SMYD5: variants seen among roughly 807,000 people sequenced by gnomAD.
SMYD5 encodes protein-lysine N-trimethyltransferase SMYD5.
In SMYD5, 35 loss-of-function variants were observed where a neutral mutation model predicts 57.4. The observed-to-expected ratio is 0.61, with a 90% CI of 0.47 to 0.81. The LOEUF is 0.81. Among genes scored for constraint, SMYD5 ranks in the 30% least tolerant of loss-of-function variants. The pLI, the probability that SMYD5 is intolerant of heterozygous loss-of-function variation, is 0.00. For synonymous variants in SMYD5, 198 were observed against 189.7 expected (o/e 1.04, Z -0.36); for missense variants, 471 against 527.9 (o/e 0.89, Z 1.06).
At position 73,225,795 on chromosome 2, in the gene SMYD5, G is replaced by A; in HGVS notation, c.1107-1G>A. ...CCCCTCACCATCCCCCACCGCTGCA[G>A]GGAGAACTATCTATTTGTCTGTTCC... On this transcript the variant is annotated splice_acceptor_variant, in intron 12 of 12. Coordinates refer to ENST00000389501, the MANE Select transcript of SMYD5 (RefSeq NM_006062.3). LOFTEE classifies it high-confidence loss of function. The A allele has an allele frequency of 6.2e-7, 1 of 1,614,164 alleles. No individual in the cohort carries two copies. Among genetic ancestry groups the A allele is most frequent in the South Asian group, 1.1e-5 (1 of 91,074 alleles).
At position 73,218,337 on chromosome 2, in the gene SMYD5, G is replaced by A. The variant is rs552867023; in HGVS notation, c.97-524G>A. On this transcript the variant is annotated intron_variant, in intron 1 of 12. Coordinates refer to ENST00000389501, the MANE Select transcript of SMYD5 (RefSeq NM_006062.3). ...CCACCAAGGACTTGTTGGATGCCAGGCACTGTGCTAGGTGCTGTGGGTATT... is the reference window on the plus strand; with the variant it reads ...CCACCAAGGACTTGTTGGATGCCAGACACTGTGCTAGGTGCTGTGGGTATT... 1.4e-4 allele frequency among the ~76,000 whole-genome samples: 22 copies of A among 152,352 alleles called. No individual in the cohort carries two copies. In the East Asian group the frequency reaches 3.9e-3, roughly 27 times the overall value.
intron 11 of SMYD5, 83 bp from the exon 12 acceptor site, chr2:73,225,548 T>G: frequency 2.4e-6 from 3 of 1,273,144 alleles, no homozygotes; most frequent in Non-Finnish European, 3.4e-6. Context: ...GGGGCAGTGG[T>G]TGGAGATAGG....
At chr2:73,218,610 G>A (rs554831402) in intron 1 of SMYD5, among the ~76,000 whole-genome samples, 1 of 152,380 alleles carries the variant, frequency 6.6e-6, no homozygotes, top group East Asian at 1.9e-4. Context: ...TGGCTGCCAT[G>A]GTGGCTGCCT....
intron 2 of SMYD5, 29 bp from the exon 3 acceptor site, chr2:73,220,022 A>T (rs1314928444): frequency 6.2e-7 from 1 of 1,613,970 alleles, no homozygotes; most frequent in Non-Finnish European, 8.5e-7. Context: ...TGCTCTCAAG[A>T]TATTGTTGTG....
intron 1 of SMYD5, 48 bp from the exon 2 acceptor site, chr2:73,218,813 A>G: frequency 7.2e-7 from 1 of 1,391,494 alleles, no homozygotes; most frequent in Non-Finnish European, 1.0e-6. Flanking sequence ...TCTCGGAGCT[A>G]TGTCTTCTGT....
Position 73,226,108 on chromosome 2 carries a change from A to G in SMYD5, c.*162A>G. The G allele has an allele frequency of 5.1e-6, 5 of 979,024 alleles. No homozygotes were observed. Among genetic ancestry groups the G allele is most frequent in the Non-Finnish European group, 7.3e-6 (5 of 682,312 alleles). 60.6% of individuals were successfully genotyped at this position (979,024 alleles called of 1,614,324 possible). On this transcript the variant is annotated 3_prime_UTR_variant, in exon 13 of 13. Coordinates refer to ENST00000389501, the MANE Select transcript of SMYD5 (RefSeq NM_006062.3). ...GGAGAGAGCCTGGATCTCTGGCCCC[A>G]ACCCCCACCAGACCTCATGCCCTGG...
rs369502375 is a variant in SMYD5, at chr2:73,214,262, C to A, written c.-5C>A. ...TAAGGGTCATAAGGCGGAGGCGCGCCCAAGATGGCGGCCTCCATGTGCGAC... is the reference window on the plus strand; with the variant it reads ...TAAGGGTCATAAGGCGGAGGCGCGCACAAGATGGCGGCCTCCATGTGCGAC... On this transcript the variant is annotated 5_prime_UTR_variant, in exon 1 of 13. Transcript: ENST00000389501. 6.2e-6 allele frequency: 10 copies of A among 1,613,512 alleles called. No homozygotes were observed. The highest frequency in any genetic ancestry group is 1.7e-5 in the Admixed American group (1 of 59,994).
intron 2 of SMYD5, 54 bp downstream of exon 2, chr2:73,219,023 G>A (rs867615540): frequency 7.8e-7 from 1 of 1,286,626 alleles, no homozygotes; most frequent in Middle Eastern, 1.8e-4. Flanking sequence ...GCATGGAAGT[G>A]AGCTGCATAC....
In SMYD5 at chr2:73,227,092, C is replaced by G. The variant is rs1219466534; in HGVS notation, c.*1146C>G. ...AGGGCAGGTGCCCACCCCACAGGCC[C>G]TTTCCTGGACCATGGAGCCAGGTGA... On this transcript the variant is annotated 3_prime_UTR_variant, in exon 13 of 13. Coordinates refer to ENST00000389501, the MANE Select transcript of SMYD5 (RefSeq NM_006062.3). The G allele has an allele frequency of 6.5e-6, 1 of 152,758 alleles. No homozygotes were observed. Among genetic ancestry groups the G allele is most frequent in the East Asian group, 1.9e-4 (1 of 5,202 alleles). 9.5% of individuals were successfully genotyped at this position (152,758 alleles called of 1,614,324 possible). A position where few individuals can be genotyped will look rare whatever the true frequency, so the allele number is the denominator to read the frequency against.
chr2:73,220,880 C>T, intron 4 of SMYD5, 98 bp downstream of exon 4: 2 of 1,407,442 alleles, frequency 1.4e-6, no homozygotes, highest in Non-Finnish European at 1.9e-6. Flanking sequence ...TTCCAATTCC[C>T]CGGATTTTTC....
rs780261788 is a variant in SMYD5 at position 73,225,664 on chromosome 2, C to T, written c.1069C>T (p.Arg357Trp). The T allele has an allele frequency of 1.4e-5, 23 of 1,613,838 alleles. No homozygotes were observed. Among genetic ancestry groups the T allele is most frequent in the Admixed American group, 8.3e-5 (5 of 60,008 alleles). ...ICISYLDCCQ[R>W]ERSRHSRHKI... ...TATCAGCTACTTGGACTGCTGTCAG[C>T]GGGAGCGCAGCCGCCACAGCCGCCA... Residue 357 changes from arginine (R) to tryptophan (W), a missense_variant, in exon 12 of 13, where the codon CGG becomes TGG. Coordinates refer to ENST00000389501, the MANE Select transcript of SMYD5 (RefSeq NM_006062.3).
intron 5 of SMYD5, among the ~76,000 whole-genome samples, chr2:73,221,567 C>A (rs144497807): frequency 4.6e-4 from 70 of 151,264 alleles, no homozygotes; most frequent in African/African-American, 1.7e-3. Flanking sequence ...TTATGTCTTA[C>A]ATAAAGCGAG....
At chr2:73,214,859 G>A in intron 1 of SMYD5, 1 of 1,264,638 alleles carries the variant, frequency 7.9e-7, no homozygotes, top group Non-Finnish European at 1.0e-6. Context: ...TTTTTAGCAG[G>A]AAGGTGACGT....
chr2:73,226,762 C>T lies in SMYD5; in HGVS notation c.*816C>T, dbSNP rs1686515712. On this transcript the variant is annotated 3_prime_UTR_variant, in exon 13 of 13. Transcript: ENST00000389501. ...GGCTGAGACCTGGGGCTTGACAGGC[C>T]TGCGCTCCTTAGATTAGGATGCTCT... 6.5e-6 allele frequency: 1 copy of T among 152,806 alleles called. No homozygotes were observed. Among genetic ancestry groups the T allele is most frequent in the African/African-American group, 2.4e-5 (1 of 41,456 alleles). The allele number at this position is 152,806 out of a possible 1,614,324, so 9.5% of individuals were successfully genotyped here.
At chr2:73,222,920 T>C in intron 7 of SMYD5, 103 bp downstream of exon 7, 15 of 1,498,402 alleles carry the variant, frequency 1.0e-5, no homozygotes, top group Non-Finnish European at 1.4e-5. Flanking sequence ...CAAAGCCGAC[T>C]TGGTCTTCTG....
chr2:73,215,875 A>AT (rs928672501), intron 1 of SMYD5, among the ~76,000 whole-genome samples: 16 of 151,064 alleles, frequency 1.1e-4, no homozygotes, highest in South Asian at 2.1e-4. Context: ...TTGGTTTGTG[A>AT]TTTTTTTCTC....
At chr2:73,221,062 T>C in intron 4 of SMYD5, 103 bp from the exon 5 acceptor site, 2 of 1,078,176 alleles carry the variant, frequency 1.9e-6, no homozygotes, top group Non-Finnish European at 2.8e-6. Context: ...TGGTAATTGA[T>C]GGAATTGGTA....
At chr2:73,214,553 C>G in intron 1 of SMYD5, 191 bp downstream of exon 1, 1 of 1,484,872 alleles carries the variant, frequency 6.7e-7, no homozygotes, top group Non-Finnish European at 9.0e-7. Flanking sequence ...GCGATAGACC[C>G]GGGCCTCCGG....
chr2:73,224,937 C>T lies in SMYD5; in HGVS notation c.1012C>T (p.Leu338=), dbSNP rs1449349891. The T allele has an allele frequency of 1.2e-6, 2 of 1,613,878 alleles. No homozygotes were observed. The highest frequency in any genetic ancestry group is 1.7e-6 in the Non-Finnish European group (2 of 1,179,934). The part of the protein sequence containing the change: ...ENNFLLHVTA[L]EDIKPGEEIC... Reference sequence around the variant, plus strand: ...CAACTTCCTTTTGCATGTCACTGCTCTGGAGGATATTAAGCCAGGAGAGGT... The same window carrying T: ...CAACTTCCTTTTGCATGTCACTGCTTTGGAGGATATTAAGCCAGGAGAGGT... Residue 338 remains leucine, a synonymous_variant, in exon 11 of 13, where the codon CTG becomes TTG. Coordinates refer to ENST00000389501, the MANE Select transcript of SMYD5 (RefSeq NM_006062.3).
Sources: gnomAD v4.1 joint callset for allele counts (sites outside exome capture counted in the v4.1 genomes callset) on GRCh38, gnomAD v4.1.1 for gene constraint, MANE v1.5 for transcripts, NCBI Gene and HGNC (gene_info 2026-07-23, HGNC 2026-07-21) for gene names.